The following AOAH variants were observed in gnomAD, a reference collection of about 807,000 sequenced individuals.
AOAH encodes acyloxyacyl hydrolase.
AOAH carries 64 observed loss-of-function variants against 92.2 expected under a neutral mutation model. The observed-to-expected ratio is 0.69, with a 90% CI of 0.57 to 0.86. The LOEUF is 0.86. Ranked by LOEUF, AOAH falls within the 40% of genes least tolerant of loss-of-function variation. The pLI is 0.00. For missense variants in AOAH, 656 were observed against 694.6 expected (o/e 0.94, Z 0.62); for synonymous variants, 263 against 254.5 (o/e 1.03, Z -0.32).
intron 20 of AOAH, among the ~76,000 whole-genome samples, chr7:36,517,224 C>CTTTCTTTCTTTCTT (rs1229778638): frequency 1.0e-4 from 5 of 47,648 alleles, no homozygotes; most frequent in Non-Finnish European, 1.7e-4. Context: ...CTCTTTCTTT[C>CTTTCTTTCTTTCTT]TGTCTCTCTC....
At position 36,594,423 on chromosome 7, in the gene AOAH, A is replaced by G; in HGVS notation, c.854T>C (p.Phe285Ser). Residue 285 changes from phenylalanine to serine, a missense_variant, in exon 12 of 21, where the codon TTC becomes TCC. Transcript: ENST00000617537. ...ITASQMSLNS[F>S]INLPTALTNE... is the part of the protein sequence containing the mutation. ...GGTAAGGGCTGTTGGTAGATTGATG[A>G]AAGAGTTCTAAGGAAAACAATAAAG... 1 of 1,612,998 alleles carries G rather than the reference A, an allele frequency of 6.2e-7. No individual in the cohort carries two copies. Among genetic ancestry groups the G allele is most frequent in the Non-Finnish European group, 8.5e-7 (1 of 1,178,956 alleles).
At chr7:36,626,002 C>A (rs911762410) in intron 6 of AOAH, among the ~76,000 whole-genome samples, 3 of 152,222 alleles carry the variant, frequency 2.0e-5, no homozygotes, top group African/African-American at 7.2e-5. Context: ...CATCCAACAT[C>A]AGCTGTGACT....
At chr7:36,545,656 T>C (rs1785759077) in intron 15 of AOAH, among the ~76,000 whole-genome samples, 1 of 152,210 alleles carries the variant, frequency 6.6e-6, no homozygotes, top group Non-Finnish European at 1.5e-5. Flanking sequence ...ATACTTTCTG[T>C]GTATACTCCT....
In AOAH at chr7:36,672,197, C is replaced by T. The variant is rs148194224; in HGVS notation, c.290+1746G>A. On this transcript the variant is annotated intron_variant, in intron 3 of 20. Transcript: ENST00000617537. Reference sequence around the variant, plus strand: ...TAAGAGAGGCAGATGCACAGTATGACAGATTACTGATGACCTCCCTGCCTG... The same window carrying T: ...TAAGAGAGGCAGATGCACAGTATGATAGATTACTGATGACCTCCCTGCCTG... 2.4e-3 allele frequency among the ~76,000 whole-genome samples: 364 copies of T among 152,276 alleles called. 1 individual carries two copies. The highest frequency in any genetic ancestry group is 8.0e-3 in the African/African-American group (332 of 41,544).
At chr7:36,610,510 TTA>T (rs201252782) in intron 11 of AOAH, among the ~76,000 whole-genome samples, 61,943 of 141,468 alleles carry the variant, frequency 0.44, 12,991 homozygotes, top group Non-Finnish European at 0.46. Context: ...TTTTTTTTTT[TTA>T]AAAAAAAAGA....
At chr7:36,589,655 T>C (rs561695027) in intron 12 of AOAH, among the ~76,000 whole-genome samples, 2 of 152,260 alleles carry the variant, frequency 1.3e-5, no homozygotes, top group South Asian at 2.1e-4. Flanking sequence ...ATAAATGAGG[T>C]TGAGGAATGC....
chr7:36,712,856 G>A (rs899040943), intron 1 of AOAH, among the ~76,000 whole-genome samples: 10 of 152,106 alleles, frequency 6.6e-5, no homozygotes, highest in East Asian at 3.9e-4. Context: ...AGGAACAACC[G>A]GTACCAGCCA....
In AOAH at chr7:36,671,143, C is replaced by CT. The variant is rs34931076; in HGVS notation, c.290+2799dup. On this transcript the variant is annotated intron_variant, in intron 3 of 20. Transcript: ENST00000617537. ...TTCATCAAATAGACGAAAAGGGTTT[C>CT]TTTTTTTTACTGTTTTCATACTTTT... 4.3e-3 allele frequency among the ~76,000 whole-genome samples: 657 copies of CT among 152,100 alleles called. 6 individuals carry two copies. The highest frequency in any genetic ancestry group is 7.9e-3 in the Non-Finnish European group (534 of 67,978).
intron 15 of AOAH, among the ~76,000 whole-genome samples, chr7:36,542,415 A>C (rs557733341): frequency 6.6e-6 from 1 of 152,288 alleles, no homozygotes; most frequent in East Asian, 1.9e-4. Context: ...CAGGGAACTT[A>C]ATACAGATTG....
intron 13 of AOAH, among the ~76,000 whole-genome samples, chr7:36,570,940 A>G (rs997634821): frequency 4.6e-5 from 7 of 152,198 alleles, no homozygotes; most frequent in Non-Finnish European, 1.0e-4. Context: ...TATCGGCCCC[A>G]TGTGGCTTCT....
At chr7:36,669,366 T>TC (rs543443995) in intron 3 of AOAH, among the ~76,000 whole-genome samples, 1,992 of 147,488 alleles carry the variant, frequency 0.014, 51 homozygotes, top group African/African-American at 0.047. Flanking sequence ...AGAATTATAT[T>TC]CCCCCCCCAC....
At chr7:36,663,763 C>T (rs1584062232) in intron 3 of AOAH, among the ~76,000 whole-genome samples, 1 of 152,140 alleles carries the variant, frequency 6.6e-6, no homozygotes, top group African/African-American at 2.4e-5. Context: ...ATGCTACTAT[C>T]CTTGTGCAAG....
chr7:36,519,375 C>T (rs948938545), intron 20 of AOAH, among the ~76,000 whole-genome samples: 4 of 152,252 alleles, frequency 2.6e-5, no homozygotes, highest in South Asian at 4.1e-4. Flanking sequence ...AACCCCTCTT[C>T]GCTTCCCTTC....
At chr7:36,521,327 C>A (rs6462680) in intron 20 of AOAH, among the ~76,000 whole-genome samples, 1 of 152,050 alleles carries the variant, frequency 6.6e-6, no homozygotes, top group Non-Finnish European at 1.5e-5. Flanking sequence ...ACAACTCCCC[C>A]ACTTCTTTTT....
At chr7:36,661,036 G>A (rs981364817) in intron 3 of AOAH, 34 of 152,178 alleles carry the variant, frequency 2.2e-4, no homozygotes, top group Admixed American at 2.2e-3. Flanking sequence ...AATACCCAGA[G>A]ACCAACCTTT....
At chr7:36,703,306 C>A (rs571912541) in intron 1 of AOAH, among the ~76,000 whole-genome samples, 1 of 152,092 alleles carries the variant, frequency 6.6e-6, no homozygotes, top group Non-Finnish European at 1.5e-5. Flanking sequence ...AATGGTAAAT[C>A]CTTTCCAGAA....
intron 11 of AOAH, among the ~76,000 whole-genome samples, chr7:36,611,841 G>A (rs1289776868): frequency 1.3e-5 from 2 of 152,092 alleles, no homozygotes; most frequent in African/African-American, 2.4e-5. Flanking sequence ...TGAAGCACAC[G>A]GCCCTTCCTG....
chr7:36,590,078 G>T (rs1381530482), intron 12 of AOAH, among the ~76,000 whole-genome samples: 1 of 151,682 alleles, frequency 6.6e-6, no homozygotes, highest in East Asian at 1.9e-4. Context: ...TCAGCCTCCT[G>T]AGTAGCTAAG....
At chr7:36,645,358 T>C (rs1284351028) in intron 4 of AOAH, among the ~76,000 whole-genome samples, 5 of 152,176 alleles carry the variant, frequency 3.3e-5, no homozygotes, top group Non-Finnish European at 5.9e-5. Flanking sequence ...CACCGTGATA[T>C]TGGACTTCCA....
Sources: gnomAD v4.1 joint callset for allele counts (sites outside exome capture counted in the v4.1 genomes callset) on GRCh38, gnomAD v4.1.1 for gene constraint, MANE v1.5 for transcripts, NCBI Gene and HGNC (gene_info 2026-07-23, HGNC 2026-07-21) for gene names.